Variants in PALMD observed in about 807,000 individuals in gnomAD.
PALMD encodes palmdelphin, also known as paralemmin-like protein.
Under a neutral mutation model 56.2 loss-of-function variants are expected in PALMD, and 42 were observed. The observed-to-expected ratio is 0.75, with a 90% CI of 0.58 to 0.97. PALMD has a LOEUF of 0.97. PALMD is among the 50% of genes least tolerant of loss of function. The pLI is 0.00. For synonymous variants in PALMD, 242 were observed against 222.9 expected, an observed-to-expected ratio of 1.09 and a Z score of -0.76; for missense variants, 660 against 643.8, an observed-to-expected ratio of 1.03 and a Z score of -0.27.
chr1:99,676,354 A>T (rs1653212555), intron 3 of PALMD, among the ~76,000 whole-genome samples: 1 of 151,968 alleles, frequency 6.6e-6, no homozygotes, highest in Non-Finnish European at 1.5e-5. Flanking sequence ...CCTACTGTCT[A>T]TGCACTGAAT....
At chr1:99,679,011 G>A (rs1318047360) in intron 3 of PALMD, among the ~76,000 whole-genome samples, 1 of 152,088 alleles carries the variant, frequency 6.6e-6, no homozygotes, top group South Asian at 2.1e-4. Context: ...GGGAATGTTG[G>A]GGGTGGGGGT....
chr1:99,690,292 A>C (rs17120945), intron 7 of PALMD, among the ~76,000 whole-genome samples: 4,460 of 152,274 alleles, frequency 0.029, 206 homozygotes, highest in African/African-American at 0.1. Context: ...TTCTGCAAGA[A>C]AGTACAAGAA....
At chr1:99,650,285 GAAAAAAAAAAAAAA>G (rs200081370) in intron 1 of PALMD, among the ~76,000 whole-genome samples, 2,494 of 116,850 alleles carry the variant, frequency 0.021, 66 homozygotes, top group African/African-American at 0.085. Flanking sequence ...TGCTCATAAT[GAAAAAAAAAAAAAA>G]AAAAAAAAAA....
chr1:99,675,524 T>C (rs1451665051), intron 3 of PALMD, among the ~76,000 whole-genome samples: 1 of 152,274 alleles, frequency 6.6e-6, no homozygotes, highest in East Asian at 1.9e-4. Flanking sequence ...ATTATTACAA[T>C]TACTTCACTC....
chr1:99,648,712 T>C (rs1652497119), intron 1 of PALMD, among the ~76,000 whole-genome samples: 1 of 152,052 alleles, frequency 6.6e-6, no homozygotes, highest in Non-Finnish European at 1.5e-5. Flanking sequence ...TACATTAAAA[T>C]TCGTTTCTCC....
intron 7 of PALMD, among the ~76,000 whole-genome samples, chr1:99,690,930 C>A (rs1001417574): frequency 3.3e-5 from 5 of 152,124 alleles, no homozygotes; most frequent in African/African-American, 9.7e-5. Context: ...TCCTCTACAA[C>A]CCATAAGCCC....
At chr1:99,654,488 G>T (rs931978471) in intron 1 of PALMD, among the ~76,000 whole-genome samples, 3 of 152,110 alleles carry the variant, frequency 2.0e-5, no homozygotes, top group Non-Finnish European at 4.4e-5. Context: ...TATATGTGAT[G>T]AGAGACACAC....
chr1:99,677,115 A>T (rs1653233977), intron 3 of PALMD, among the ~76,000 whole-genome samples: 1 of 152,206 alleles, frequency 6.6e-6, no homozygotes, highest in African/African-American at 2.4e-5. Context: ...AACACATATC[A>T]TGCCAGATTT....
chr1:99,678,674 G>A (rs1371933249), intron 3 of PALMD, among the ~76,000 whole-genome samples: 2 of 152,138 alleles, frequency 1.3e-5, no homozygotes, highest in Admixed American at 1.3e-4. Context: ...ACAAAATATA[G>A]GTAAACCACC....
chr1:99,683,128 AAGAAAGAAAGAAAGAAAGAAAG>A (rs1653405609), intron 3 of PALMD: 1 of 123,494 alleles, frequency 8.1e-6, no homozygotes, highest in Non-Finnish European at 1.6e-5. Flanking sequence ...GAAAGAAAGA[AAGAAAGAAAGAAAGAAAGAAAG>A]AAAGAAAGAA....
chr1:99,686,406 A>G, intron 3 of PALMD: 1 of 225,140 alleles, frequency 4.4e-6, no homozygotes, highest in Non-Finnish European at 8.5e-6. Flanking sequence ...ATTGCAATGA[A>G]GAACATGGAG....
intron 1 of PALMD, among the ~76,000 whole-genome samples, chr1:99,660,153 T>A (rs1344287470): frequency 1.3e-5 from 2 of 152,240 alleles, no homozygotes. Context: ...TCCCTGCTAA[T>A]GAGAGGTCAC....
chr1:99,653,473 T>C (rs745983221), intron 1 of PALMD, among the ~76,000 whole-genome samples: 21 of 152,138 alleles, frequency 1.4e-4, no homozygotes, highest in Non-Finnish European at 2.6e-4. Flanking sequence ...TGTTGTAAGG[T>C]TGGGAAAGAA....
At chr1:99,670,667 A>T (rs1653064437) in intron 3 of PALMD, among the ~76,000 whole-genome samples, 1 of 152,238 alleles carries the variant, frequency 6.6e-6, no homozygotes, top group Non-Finnish European at 1.5e-5. Context: ...GCAAAAAAAA[A>T]TAGTAAAGAA....
rs1653516726 is a variant in PALMD, at chr1:99,686,976, ATAACT to A, written c.400+16_400+20del. 2 of 1,570,854 alleles carry A rather than the reference ATAACT, an allele frequency of 1.3e-6. No homozygotes were observed. The highest frequency in any genetic ancestry group is 1.7e-6 in the Non-Finnish European group (2 of 1,146,102). On this transcript the variant is annotated intron_variant, in intron 5 of 7. Coordinates refer to ENST00000263174, the MANE Select transcript of PALMD (RefSeq NM_017734.5). ...GAAAGAGCAGAAGGTATGTTTTTGA[ATAACT>A]TATTTTATGTTAAACTAAGTTTTTT...
Position 99,646,239 on chromosome 1 carries a change from G to A in PALMD, c.-79G>A, listed in dbSNP as rs1652441581. 2 of 1,110,690 alleles carry A rather than the reference G, an allele frequency of 1.8e-6. No individual in the cohort carries two copies. Among genetic ancestry groups the A allele is most frequent in the African/African-American group, 1.5e-5 (1 of 65,016 alleles). The allele number at this position is 1,110,690 out of a possible 1,614,324, so 68.8% of individuals were successfully genotyped here. On this transcript the variant is annotated 5_prime_UTR_variant, in exon 1 of 8. Transcript: ENST00000263174. ...TCCCTGCTTCTCTTCTGTCACCCCC[G>A]CTCCTCTCCCCCAGGAGGCTCCTTG... is the stretch of plus-strand genomic sequence containing the variant.
At chr1:99,679,099 A>G (rs1352425153) in intron 3 of PALMD, among the ~76,000 whole-genome samples, 2 of 152,118 alleles carry the variant, frequency 1.3e-5, no homozygotes, top group African/African-American at 2.4e-5. Flanking sequence ...AGGCCATCCC[A>G]GAGAAATAGC....
intron 1 of PALMD, among the ~76,000 whole-genome samples, chr1:99,656,680 G>C (rs1652731095): frequency 6.6e-6 from 1 of 151,816 alleles, no homozygotes; most frequent in Non-Finnish European, 1.5e-5. Context: ...TTTTATCCTT[G>C]CCTAAATGCC....
At chr1:99,685,871 G>T (rs1044740994) in intron 3 of PALMD, 7 of 152,192 alleles carry the variant, frequency 4.6e-5, no homozygotes, top group Non-Finnish European at 8.8e-5. Context: ...TTTTATAGAG[G>T]AGAGGTCACG....
Sources: gnomAD v4.1 joint callset for allele counts (sites outside exome capture counted in the v4.1 genomes callset) on GRCh38, gnomAD v4.1.1 for gene constraint, MANE v1.5 for transcripts, NCBI Gene and HGNC (gene_info 2026-07-23, HGNC 2026-07-21) for gene names.